Variants in USP36 observed in about 807,000 individuals in gnomAD.
The protein encoded by USP36 is ubiquitin specific peptidase 36.
In USP36, 59 loss-of-function variants were observed where a neutral mutation model predicts 111.5. That is an observed-to-expected ratio of 0.53 (90% CI 0.43 to 0.66). USP36 has a LOEUF of 0.66. USP36 is among the 30% of genes least tolerant of loss of function. The pLI is 0.00. For missense variants in USP36, 1,488 were observed against 1,468.0 expected (o/e 1.01, Z -0.22); for synonymous variants, 628 against 581.0 (o/e 1.08, Z -1.16).
In USP36 at chr17:78,806,283, T is replaced by G. The variant is rs1329550231; in HGVS notation, c.2089A>C (p.Ser697Arg). ...TTGCCGGTCGCCCTCCACAGGGTGC[T>G]GGCCTGCAGTTATCGACATAAATAA... Reference protein sequence around the residue: ...KKLALSAKKASTLWRATGNDL... With the variant: ...KKLALSAKKARTLWRATGNDL... The change falls in exon 15 of 21, where the codon AGC (serine) becomes CGC (arginine). Residue 697 changes from serine (S) to arginine (R), a missense_variant. Transcript: ENST00000449938. 27 of 1,613,782 alleles carry G rather than the reference T, an allele frequency of 1.7e-5. No individual in the cohort carries two copies. The highest frequency in any genetic ancestry group is 2.2e-5 in the Non-Finnish European group (26 of 1,179,986).
Position 78,803,382 on chromosome 17 carries a change from T to C in USP36, c.2810+3A>G, listed in dbSNP as rs1193957708. ...ACAGATGCCACTTTGCTCCTGCCCT[T>C]ACCTGTGCCGAAGTGGGTCCTGGTG... On this transcript the variant is annotated splice_donor_region_variant and intron_variant, in intron 16 of 20. Coordinates refer to ENST00000449938, the MANE Select transcript of USP36 (RefSeq NM_001385174.1). The surrounding 1 kb of genome is among the most constrained non-coding windows in gnomAD (Gnocchi z 4.6). 4.3e-6 allele frequency: 7 copies of C among 1,611,912 alleles called. No homozygotes were observed. The highest frequency in any genetic ancestry group is 5.9e-6 in the Non-Finnish European group (7 of 1,178,626).
At chr17:78,839,741 A>ACGCT (rs1181298948) in intron 1 of USP36, among the ~76,000 whole-genome samples, 1 of 152,076 alleles carries the variant, frequency 6.6e-6, no homozygotes, top group Non-Finnish European at 1.5e-5. Context: ...AACCTAAACA[A>ACGCT]CGCTCGCTCG....
chr17:78,831,933 A>G (rs1296574360), intron 4 of USP36, among the ~76,000 whole-genome samples: 1 of 120,384 alleles, frequency 8.3e-6, no homozygotes, highest in Non-Finnish European at 1.7e-5. Context: ...ACAGAGTGAG[A>G]GCTTGTCTCA....
chr17:78,810,891 A>C (rs2094032847), intron 13 of USP36, among the ~76,000 whole-genome samples: 1 of 151,962 alleles, frequency 6.6e-6, no homozygotes, highest in Non-Finnish European at 1.5e-5. Context: ...AGCTGAGCGA[A>C]TCACTTGAGG....
At chr17:78,811,126 G>C (rs1246295134) in intron 13 of USP36, among the ~76,000 whole-genome samples, 1 of 96,432 alleles carries the variant, frequency 1.0e-5, no homozygotes, top group Non-Finnish European at 1.9e-5. Flanking sequence ...GCGAGACTCT[G>C]TCTCAAAAAA....
At position 78,819,835 on chromosome 17, in the gene USP36, C is replaced by T. The variant is rs558186065; in HGVS notation, c.911+95G>A. 107 of 1,320,058 alleles carry T rather than the reference C, an allele frequency of 8.1e-5. 2 individuals are homozygous for T. The South Asian group carries it at 8.3e-4, about 10-fold the overall frequency. 81.8% of individuals were successfully genotyped at this position (1,320,058 alleles called of 1,614,324 possible). A position where few individuals can be genotyped will look rare whatever the true frequency, so the allele number is the denominator to read the frequency against. Reference sequence around the variant, plus strand: ...CTCAAGAAATGCGAGCAGCGGTCACCGCTAAGGAAGAGTGGGTGGGCACAA... The same window carrying T: ...CTCAAGAAATGCGAGCAGCGGTCACTGCTAAGGAAGAGTGGGTGGGCACAA... On this transcript the variant is annotated intron_variant, in intron 9 of 20. Transcript: ENST00000449938.
At chr17:78,820,309 T>C (rs1012184158) in intron 8 of USP36, among the ~76,000 whole-genome samples, 9 of 152,116 alleles carry the variant, frequency 5.9e-5, no homozygotes, top group Non-Finnish European at 1.0e-4. Context: ...CCCCTGTCTC[T>C]GCAAAGAAAT....
downstream of USP36, among the ~76,000 whole-genome samples, chr17:78,792,608 G>A (rs980004832): frequency 6.6e-6 from 1 of 152,224 alleles, no homozygotes; most frequent in African/African-American, 2.4e-5. Context: ...CCGGCAACTG[G>A]TGTTTTAAGG....
chr17:78,837,110 T>C (rs984035867), intron 2 of USP36, among the ~76,000 whole-genome samples: 1 of 152,364 alleles, frequency 6.6e-6, no homozygotes, highest in Admixed American at 6.5e-5. Flanking sequence ...TTGAGTTAAA[T>C]AAATTATGAA....
chr17:78,799,382 T>A (rs535903833), intron 18 of USP36, among the ~76,000 whole-genome samples: 6 of 152,160 alleles, frequency 3.9e-5, no homozygotes, highest in Non-Finnish European at 8.8e-5. Context: ...GCTTCGTCAC[T>A]CTGCCCCTTC....
At chr17:78,805,083 A>G (rs1287877470) in intron 15 of USP36, among the ~76,000 whole-genome samples, 2 of 152,132 alleles carry the variant, frequency 1.3e-5, no homozygotes, top group African/African-American at 4.8e-5. Flanking sequence ...CTTGCCAGCT[A>G]TGTGTCTCTA....
chr17:78,830,243 CAT>C (rs1286254428), intron 4 of USP36, among the ~76,000 whole-genome samples: 6 of 152,200 alleles, frequency 3.9e-5, no homozygotes, highest in East Asian at 1.9e-4. Context: ...ACTGTAGCTA[CAT>C]GTTTCCAAAC....
chr17:78,828,839 CT>C, intron 5 of USP36, 57 bp downstream of exon 5: 1 of 1,544,892 alleles, frequency 6.5e-7, no homozygotes, highest in Non-Finnish European at 8.8e-7. Context: ...AACCCCATCT[CT>C]ACAAAAAATT....
rs369463937 is a variant in USP36 at position 78,802,379 on chromosome 17, G to C, written c.2967C>G (p.Pro989=). 3.7e-6 allele frequency: 6 copies of C among 1,606,862 alleles called. No individual in the cohort carries two copies. Among genetic ancestry groups the C allele is most frequent in the African/African-American group, 2.7e-5 (2 of 74,810 alleles). Residue 989 remains proline (P), a synonymous_variant, in exon 17 of 21, where the codon CCC becomes CCG. Coordinates refer to ENST00000449938, the MANE Select transcript of USP36 (RefSeq NM_001385174.1). ...CGGATGGTGCGCAGCTGCTGGACTC[G>C]GGGACAACAGCATCTTGGGGCTTGG... The part of the protein sequence containing the change: ...RSAKPQDAVV[P]ESSSCAPSAN...
At chr17:78,794,217 C>A (rs1237504501), downstream of USP36, among the ~76,000 whole-genome samples, 4 of 152,252 alleles carry the variant, frequency 2.6e-5, no homozygotes, top group African/African-American at 7.2e-5. Context: ...TGCTCACCTG[C>A]TGTTCTCTGC....
Position 78,807,101 on chromosome 17 carries a change from G to A in USP36, c.1943C>T (p.Ala648Val), listed in dbSNP as rs781557175. The A allele has an allele frequency of 4.0e-5, 64 of 1,614,266 alleles. No homozygotes were observed. The highest frequency in any genetic ancestry group is 5.4e-5 in the Non-Finnish European group (64 of 1,180,048). ...ACTTGGCGGCGTTTTGGAGTGGCCAGCGGTGGAACAGTTCGTTTCCTGAGA... is the reference window on the plus strand; with the variant it reads ...ACTTGGCGGCGTTTTGGAGTGGCCAACGGTGGAACAGTTCGTTTCCTGAGA... ...CDSQETNCST[A>V]GHSKTPPSGA... The change falls in exon 14 of 21, where the codon GCT becomes GTT. Residue 648 changes from alanine (A) to valine (V), a missense_variant. By Grantham distance (64) the Ala-to-Val change is moderately conservative. Coordinates refer to ENST00000449938, the MANE Select transcript of USP36 (RefSeq NM_001385174.1).
In USP36 at chr17:78,812,985, T is replaced by C. The variant is rs780035370; in HGVS notation, c.1282A>G (p.Lys428Glu). ...CTGGAGATGAGGCCCTCGGGACTTT[T>C]CTTAGAGCCTGGAATTCTGTCAAAG... ...LFYLRIPGSK[K>E]SPEGLISRTG... Residue 428 changes from lysine (K) to glutamate (E), a missense_variant, in exon 13 of 21, where the codon AAA becomes GAA. Lys to Glu is a moderately conservative substitution (Grantham distance 56). This residue lies in a region of USP36 where 1,073 missense variants were observed against 994.1 expected (regional missense o/e 1.08). Transcript: ENST00000449938. The C allele has an allele frequency of 4.6e-5, 75 of 1,613,956 alleles. 1 individual carries two copies. Among genetic ancestry groups the C allele is most frequent in the Non-Finnish European group, 5.8e-5 (68 of 1,179,998 alleles).
rs1420993232 is a variant in USP36, at chr17:78,814,349, C to T, written c.1164+63G>A. On this transcript the variant is annotated intron_variant, in intron 11 of 20. Transcript: ENST00000449938. ...AGTAAGTGCTCTACAGAGGCCGCAT[C>T]TGGATGTGCATGGGTGCTGAAACCT... 10 of 1,596,212 alleles carry T rather than the reference C, an allele frequency of 6.3e-6. No homozygotes were observed. In the East Asian group the frequency reaches 2.0e-4, roughly 32 times the overall value.
Position 78,802,289 on chromosome 17 carries a change from C to T in USP36, c.3022+35G>A, listed in dbSNP as rs2306525. The T allele has an allele frequency of 4.5e-3, 6,888 of 1,533,546 alleles. 325 individuals carry two copies. The East Asian group carries it at 0.11, about 25-fold the overall frequency. 95.0% of individuals were successfully genotyped at this position (1,533,546 alleles called of 1,614,324 possible). ...CCCCCAACCCCTCGCCCGGTGCACACCCATGCGGTTCCCACCCCCTCGCCC... is the reference window on the plus strand; with the variant it reads ...CCCCCAACCCCTCGCCCGGTGCACATCCATGCGGTTCCCACCCCCTCGCCC... On this transcript the variant is annotated intron_variant, in intron 17 of 20. Transcript: ENST00000449938.
Sources: gnomAD v4.1 joint callset for allele counts (sites outside exome capture counted in the v4.1 genomes callset) on GRCh38, gnomAD v4.1.1 for gene constraint, gnomAD v4.1.1 regional missense constraint, Gnocchi (gnomAD v3.1) non-coding constraint, MANE v1.5 for transcripts, NCBI Gene and HGNC (gene_info 2026-07-23, HGNC 2026-07-21) for gene names.